FAM171A1: variants seen among roughly 807,000 people sequenced by gnomAD.
The protein encoded by FAM171A1 is protein FAM171A1.
Under a neutral mutation model 74.9 loss-of-function variants are expected in FAM171A1, and 23 were observed. The ratio of observed to expected loss-of-function variants is 0.31; its 90% CI spans 0.22 to 0.44. The LOEUF (loss-of-function observed/expected upper bound fraction) is 0.44. Ranked by LOEUF, FAM171A1 falls within the 20% of genes least tolerant of loss-of-function variation. The pLI, the probability that FAM171A1 is intolerant of heterozygous loss-of-function variation, is 1.00. For missense variants in FAM171A1, 1,162 were observed against 1,159.2 expected (o/e 1.00, Z -0.03); for synonymous variants, 527 against 505.7 (o/e 1.04, Z -0.57).
At chr10:15,305,262 T>A (rs939805571) in intron 1 of FAM171A1, among the ~76,000 whole-genome samples, 9 of 152,284 alleles carry the variant, frequency 5.9e-5, no homozygotes, top group African/African-American at 1.9e-4. Flanking sequence ...AAATTCTAGA[T>A]CACAGAAAAT....
intron 1 of FAM171A1, among the ~76,000 whole-genome samples, chr10:15,340,761 A>G (rs902939631): frequency 1.3e-5 from 2 of 152,204 alleles, no homozygotes; most frequent in Non-Finnish European, 2.9e-5. Context: ...GTATTTGGAT[A>G]CTGAGAGCAC....
At chr10:15,329,203 T>C (rs1835596805) in intron 1 of FAM171A1, among the ~76,000 whole-genome samples, 1 of 152,204 alleles carries the variant, frequency 6.6e-6, no homozygotes, top group Non-Finnish European at 1.5e-5. Context: ...GGAGGTATAC[T>C]AACTTGAACT....
chr10:15,361,848 G>GTACA (rs1167045225), intron 1 of FAM171A1, among the ~76,000 whole-genome samples: 3 of 152,170 alleles, frequency 2.0e-5, no homozygotes, highest in Non-Finnish European at 2.9e-5. Context: ...GCTCAAGATA[G>GTACA]TACATCTAAG....
chr10:15,279,321 A>G (rs1479880516), intron 2 of FAM171A1, among the ~76,000 whole-genome samples: 1 of 152,206 alleles, frequency 6.6e-6, no homozygotes, highest in East Asian at 1.9e-4. Context: ...TTTGAATTCT[A>G]AAACACATGA....
chr10:15,368,860 T>C (rs1417752887), intron 1 of FAM171A1, among the ~76,000 whole-genome samples: 1 of 152,228 alleles, frequency 6.6e-6, no homozygotes, highest in East Asian at 1.9e-4. Flanking sequence ...GACCTTCTAA[T>C]GTCAAAGGAG....
intron 6 of FAM171A1, among the ~76,000 whole-genome samples, chr10:15,218,178 C>T (rs778996804): frequency 6.6e-5 from 10 of 151,100 alleles, no homozygotes; most frequent in African/African-American, 2.2e-4. Context: ...CTCCCAGGTT[C>T]GGATAATTCT....
intron 1 of FAM171A1, among the ~76,000 whole-genome samples, chr10:15,368,560 A>G (rs1231630392): frequency 2.6e-5 from 4 of 152,228 alleles, no homozygotes; most frequent in Non-Finnish European, 5.9e-5. Flanking sequence ...GGGAAGGTAA[A>G]CATTGAACTT....
chr10:15,250,429 G>T (rs935014319), intron 4 of FAM171A1, among the ~76,000 whole-genome samples: 5 of 152,236 alleles, frequency 3.3e-5, no homozygotes, highest in African/African-American at 4.8e-5. Flanking sequence ...TACTGCTCTA[G>T]ATTCTGTTAG....
intron 1 of FAM171A1, among the ~76,000 whole-genome samples, chr10:15,329,291 T>C (rs1175783299): frequency 6.6e-6 from 1 of 152,202 alleles, no homozygotes; most frequent in Non-Finnish European, 1.5e-5. Context: ...GAAACCACTG[T>C]TGGCCTAGTC....
intron 1 of FAM171A1, among the ~76,000 whole-genome samples, chr10:15,326,964 CA>C (rs1168153590): frequency 6.6e-6 from 1 of 152,148 alleles, no homozygotes; most frequent in Non-Finnish European, 1.5e-5. Flanking sequence ...AGGACACAGC[CA>C]CATGTTGTGG....
At chr10:15,289,540 C>T (rs1393965105) in intron 1 of FAM171A1, among the ~76,000 whole-genome samples, 1 of 152,176 alleles carries the variant, frequency 6.6e-6, no homozygotes, top group Non-Finnish European at 1.5e-5. Context: ...CAGGCCTTCA[C>T]CATCCATCAC....
chr10:15,329,245 AC>A (rs1835597420), intron 1 of FAM171A1, among the ~76,000 whole-genome samples: 1 of 152,232 alleles, frequency 6.6e-6, no homozygotes, highest in South Asian at 2.1e-4. Flanking sequence ...AAGAGTGCTG[AC>A]CAACCAGCCG....
At chr10:15,336,244 C>A (rs1835697837) in intron 1 of FAM171A1, among the ~76,000 whole-genome samples, 2 of 152,098 alleles carry the variant, frequency 1.3e-5, no homozygotes, top group Admixed American at 1.3e-4. Flanking sequence ...TCTGCCACCC[C>A]CAGGTTGATG....
chr10:15,322,750 G>A (rs780397339), intron 1 of FAM171A1, among the ~76,000 whole-genome samples: 7 of 152,226 alleles, frequency 4.6e-5, no homozygotes, highest in Non-Finnish European at 8.8e-5. Flanking sequence ...TAGCCCTGAT[G>A]GAGATCTTGC....
At chr10:15,293,543 C>A (rs1259321212) in intron 1 of FAM171A1, among the ~76,000 whole-genome samples, 1 of 48,590 alleles carries the variant, frequency 2.1e-5, no homozygotes, top group East Asian at 1.0e-3. Context: ...TGGCTAGGAA[C>A]CTGTAAAAAA....
intron 1 of FAM171A1, among the ~76,000 whole-genome samples, chr10:15,359,976 T>C (rs1835975005): frequency 6.6e-6 from 1 of 152,206 alleles, no homozygotes; most frequent in African/African-American, 2.4e-5. Context: ...GTTCTGTTGC[T>C]CCGGTTGGAG....
chr10:15,240,766 G>T (rs1834354076), intron 5 of FAM171A1: 1 of 984,184 alleles, frequency 1.0e-6, no homozygotes, highest in African/African-American at 1.7e-5. Flanking sequence ...AGGCAGGGTG[G>T]TGGCTCACAG....
At chr10:15,237,783 T>TC (rs1462584249) in intron 5 of FAM171A1, 7 of 73,068 alleles carry the variant, frequency 9.6e-5, no homozygotes, top group Non-Finnish European at 2.0e-4. Context: ...ATTACCCCCT[T>TC]TTCCCCTACC....
At chr10:15,358,978 CT>C (rs200633510) in intron 1 of FAM171A1, among the ~76,000 whole-genome samples, 3,102 of 152,308 alleles carry the variant, frequency 0.02, 99 homozygotes, top group African/African-American at 0.071. Flanking sequence ...AGTCGTTTAA[CT>C]TCTTTGCACC....
Sources: gnomAD v4.1 joint callset for allele counts (sites outside exome capture counted in the v4.1 genomes callset) on GRCh38, gnomAD v4.1.1 for gene constraint, MANE v1.5 for transcripts, NCBI Gene and HGNC (gene_info 2026-07-23, HGNC 2026-07-21) for gene names.